LRCH1: variants seen among roughly 807,000 people sequenced by gnomAD.
LRCH1 encodes leucine-rich repeat and calponin homology domain-containing protein 1.
A neutral mutation model predicts 94.9 loss-of-function variants in LRCH1; 23 were observed. The ratio of observed to expected loss-of-function variants is 0.24; its 90% CI spans 0.17 to 0.34. LRCH1 has a LOEUF of 0.34. Among genes scored for constraint, LRCH1 ranks in the 10% least tolerant of loss-of-function variants. The pLI is 1.00. For synonymous variants in LRCH1, 364 were observed against 354.9 expected (o/e 1.03, Z -0.29); for missense variants, 790 against 945.9 (o/e 0.84, Z 2.16).
intron 1 of LRCH1, among the ~76,000 whole-genome samples, chr13:46,631,016 C>G (rs1438327969): frequency 6.6e-6 from 1 of 152,210 alleles, no homozygotes; most frequent in Non-Finnish European, 1.5e-5. Flanking sequence ...GATCTGCACC[C>G]TCCCCACCCC....
chr13:46,614,189 A>G (rs2050779515), intron 1 of LRCH1, among the ~76,000 whole-genome samples: 1 of 152,184 alleles, frequency 6.6e-6, no homozygotes, highest in Admixed American at 6.5e-5. Context: ...ATTAACGACA[A>G]TACTTGTGTG....
intron 1 of LRCH1, among the ~76,000 whole-genome samples, chr13:46,618,062 T>G (rs909987711): frequency 2.6e-5 from 4 of 152,168 alleles, no homozygotes; most frequent in Non-Finnish European, 2.9e-5. Flanking sequence ...TTCTGAGAAA[T>G]GCATCCTTAG....
chr13:46,706,050 C>T (rs141743644), intron 13 of LRCH1, among the ~76,000 whole-genome samples: 2 of 152,296 alleles, frequency 1.3e-5, no homozygotes, highest in African/African-American at 4.8e-5. Flanking sequence ...GGTGTTTGCA[C>T]ATGTACTATA....
chr13:46,648,457 A>T (rs2051251030), intron 1 of LRCH1, among the ~76,000 whole-genome samples: 1 of 152,150 alleles, frequency 6.6e-6, no homozygotes, highest in Admixed American at 6.5e-5. Context: ...CTTCCCATCT[A>T]TCCACCACAC....
intron 10 of LRCH1, 115 bp downstream of exon 10, chr13:46,699,518 T>G: frequency 1.1e-6 from 1 of 872,340 alleles, no homozygotes; most frequent in South Asian, 1.5e-5. Context: ...AAGCTGATAT[T>G]CTTACAGACA....
chr13:46,719,251 A>T (rs1299229622), intron 16 of LRCH1, among the ~76,000 whole-genome samples: 1 of 152,270 alleles, frequency 6.6e-6, no homozygotes. Flanking sequence ...CTTTGCAATG[A>T]CGTTCTCCAA....
At chr13:46,750,820 T>C (rs1221440646) in exon 19 of LRCH1, 12 of 514,984 alleles carry the variant, frequency 2.3e-5, no homozygotes, top group Non-Finnish European at 3.5e-5. Flanking sequence ...CTTTCAGAGC[T>C]GACCTCCGAC....
intron 3 of LRCH1, among the ~76,000 whole-genome samples, chr13:46,674,092 A>G (rs2051639611): frequency 6.6e-6 from 1 of 151,824 alleles, no homozygotes; most frequent in African/African-American, 2.4e-5. Context: ...AGAATTGTGA[A>G]CTCTCTTTTT....
chr13:46,621,285 G>T (rs1004182637), intron 1 of LRCH1, among the ~76,000 whole-genome samples: 6 of 152,174 alleles, frequency 3.9e-5, no homozygotes, highest in Admixed American at 2.6e-4. Flanking sequence ...TTCCCACTTA[G>T]CTGTGAGTGG....
intron 1 of LRCH1, among the ~76,000 whole-genome samples, chr13:46,647,045 G>A (rs1174069737): frequency 6.6e-6 from 1 of 151,432 alleles, no homozygotes; most frequent in Non-Finnish European, 1.5e-5. Flanking sequence ...TCCAGGAGAT[G>A]GAGGTTGCAG....
At chr13:46,659,412 C>T (rs569603003) in intron 2 of LRCH1, among the ~76,000 whole-genome samples, 71 of 151,996 alleles carry the variant, frequency 4.7e-4, no homozygotes, top group Admixed American at 1.8e-3. Flanking sequence ...AGGCTGGTCT[C>T]GAATTCCTGA....
At chr13:46,625,476 T>C (rs2181786) in intron 1 of LRCH1, among the ~76,000 whole-genome samples, 126,463 of 152,094 alleles carry the variant, frequency 0.83, 53,046 homozygotes, top group African/African-American at 0.94. Context: ...CCAGAGAGCT[T>C]CTTTCCTCTT....
intron 13 of LRCH1, chr13:46,705,645 T>C (rs1871721438): frequency 7.2e-6 from 3 of 419,498 alleles, no homozygotes; most frequent in South Asian, 7.0e-5. Flanking sequence ...CCATTCAATG[T>C]AGATTTTAGA....
At chr13:46,628,678 A>C (rs1439480675) in intron 1 of LRCH1, among the ~76,000 whole-genome samples, 2 of 151,652 alleles carry the variant, frequency 1.3e-5, no homozygotes, top group East Asian at 1.9e-4. Context: ...AAAAAAAAAA[A>C]ACACAAGGCC....
chr13:46,563,058 A>G (rs1426939389), intron 1 of LRCH1, among the ~76,000 whole-genome samples: 3 of 152,172 alleles, frequency 2.0e-5, no homozygotes. Flanking sequence ...TCGATAAGCA[A>G]TGTTACATCT....
At chr13:46,727,590 C>G (rs1238755729) in intron 17 of LRCH1, among the ~76,000 whole-genome samples, 1 of 152,192 alleles carries the variant, frequency 6.6e-6, no homozygotes, top group East Asian at 1.9e-4. Flanking sequence ...GAAACCTCTG[C>G]CTCCTGAGTT....
At position 46,701,122 on chromosome 13, in the gene LRCH1, A is replaced by G. The variant is rs1284892842; in HGVS notation, c.1315A>G (p.Ile439Val). 8.1e-6 allele frequency: 13 copies of G among 1,604,108 alleles called. No individual in the cohort carries two copies. The highest frequency in any genetic ancestry group is 1.7e-4 in the Middle Eastern group (1 of 6,060). Reference sequence around the variant, plus strand: ...CTTATGCTTGGTTTCACGTTACAGAATAAGTTCATCCAAAGATCAGGACAT... The same window carrying G: ...CTTATGCTTGGTTTCACGTTACAGAGTAAGTTCATCCAAAGATCAGGACAT... The part of the protein sequence containing the change: ...EDVHWQTEGI[I>V]SSSKDQDMDI... The change falls in exon 11 of 20, where the codon ATA becomes GTA. Residue 439 changes from isoleucine (I) to valine (V), a missense_variant and splice_region_variant. Transcript: ENST00000389797.
intron 1 of LRCH1, among the ~76,000 whole-genome samples, chr13:46,596,155 A>T (rs1205230456): frequency 6.6e-6 from 1 of 152,174 alleles, no homozygotes; most frequent in African/African-American, 2.4e-5. Flanking sequence ...AGTTGACATG[A>T]TCAAAAATGT....
intron 1 of LRCH1, among the ~76,000 whole-genome samples, chr13:46,572,559 G>A (rs187845350): frequency 6.6e-6 from 1 of 152,022 alleles, no homozygotes; most frequent in Non-Finnish European, 1.5e-5. Context: ...TAGTTTGAAA[G>A]AAGCTACCTA....
Sources: gnomAD v4.1 joint callset for allele counts (sites outside exome capture counted in the v4.1 genomes callset) on GRCh38, gnomAD v4.1.1 for gene constraint, MANE v1.5 for transcripts, NCBI Gene and HGNC (gene_info 2026-07-23, HGNC 2026-07-21) for gene names.